Variants in GLP2R observed in about 807,000 individuals in gnomAD.
GLP2R encodes the protein glucagon like peptide 2 receptor, also known as glucagon-like peptide 2 receptor.
GLP2R carries 59 observed loss-of-function variants against 68.2 expected under a neutral mutation model. The observed-to-expected ratio is 0.87, with a 90% CI of 0.70 to 1.07. The LOEUF is 1.07. Ranked by LOEUF, GLP2R falls within the 50% of genes least tolerant of loss-of-function variation. The probability of loss-of-function intolerance (pLI) is 0.00; values close to 1 mark genes in which losing one functional copy is unlikely to be tolerated. For missense variants in GLP2R, 548 were observed against 677.4 expected, an observed-to-expected ratio of 0.81 and a Z score of 2.12; for synonymous variants, 270 against 265.4, an observed-to-expected ratio of 1.02 and a Z score of -0.17.
At chr17:9,828,790 G>A (rs755417054) in intron 1 of GLP2R, among the ~76,000 whole-genome samples, 35 of 152,112 alleles carry the variant, frequency 2.3e-4, no homozygotes, top group Admixed American at 1.2e-3. Context: ...GGCTTACCAG[G>A]CTGAGAAAGC....
intron 1 of GLP2R, among the ~76,000 whole-genome samples, chr17:9,828,270 C>G (rs1044045543): frequency 3.9e-5 from 6 of 152,228 alleles, no homozygotes; most frequent in African/African-American, 1.2e-4. Flanking sequence ...AGCCTCTCCC[C>G]CAGTGACCAG....
At chr17:9,884,682 T>C (rs1037669896) in intron 11 of GLP2R, among the ~76,000 whole-genome samples, 1 of 149,794 alleles carries the variant, frequency 6.7e-6, no homozygotes, top group Non-Finnish European at 1.5e-5. Context: ...AGTTGGACAA[T>C]ATTTTTTTCC....
intron 1 of GLP2R, among the ~76,000 whole-genome samples, chr17:9,832,264 C>A (rs1166580142): frequency 6.6e-6 from 1 of 151,882 alleles, no homozygotes; most frequent in African/African-American, 2.4e-5. Flanking sequence ...GTAGCGAAAT[C>A]CTGTCTCTAC....
intron 10 of GLP2R, among the ~76,000 whole-genome samples, chr17:9,874,902 G>T (rs1019166520): frequency 6.6e-6 from 1 of 152,176 alleles, no homozygotes; most frequent in Non-Finnish European, 1.5e-5. Flanking sequence ...CCACCTACCT[G>T]TTGGGAAGGA....
chr17:9,867,397 G>T (rs184741054), intron 9 of GLP2R, among the ~76,000 whole-genome samples: 6 of 152,228 alleles, frequency 3.9e-5, no homozygotes, highest in Non-Finnish European at 8.8e-5. Context: ...TGCTTTGTTG[G>T]TACAAGGTTG....
intron 9 of GLP2R, chr17:9,866,043 A>G (rs1325196485): frequency 7.7e-6 from 3 of 389,704 alleles, no homozygotes; most frequent in Non-Finnish European, 1.5e-5. Context: ...CAGCTCTAGG[A>G]TTCTAGGACT....
At chr17:9,833,131 T>TGC (rs2066695434) in intron 1 of GLP2R, among the ~76,000 whole-genome samples, 1 of 151,738 alleles carries the variant, frequency 6.6e-6, no homozygotes, top group Admixed American at 6.6e-5. Context: ...AGCACGGTGG[T>TGC]GCGCACCTGT....
chr17:9,886,924 G>A (rs774931682), intron 11 of GLP2R, among the ~76,000 whole-genome samples: 1 of 152,176 alleles, frequency 6.6e-6, no homozygotes, highest in Non-Finnish European at 1.5e-5. Context: ...ATTGGGCCCT[G>A]CACACACATC....
intron 4 of GLP2R, among the ~76,000 whole-genome samples, chr17:9,849,119 A>C (rs1455155274): frequency 6.6e-6 from 1 of 151,656 alleles, no homozygotes; most frequent in East Asian, 1.9e-4. Flanking sequence ...TATAATTTAT[A>C]ATATATCCAT....
chr17:9,850,373 G>A (rs1423161060), intron 4 of GLP2R, among the ~76,000 whole-genome samples: 1 of 152,200 alleles, frequency 6.6e-6, no homozygotes, highest in Non-Finnish European at 1.5e-5. Flanking sequence ...AATCAATTCA[G>A]TACACAGCTG....
intron 6 of GLP2R, 55 bp downstream of exon 6, chr17:9,857,631 G>A: frequency 2.6e-6 from 4 of 1,564,982 alleles, no homozygotes; most frequent in Non-Finnish European, 3.5e-6. Context: ...GGTCAGTACT[G>A]GGAATCAGAA....
chr17:9,854,567 C>G lies in GLP2R; in HGVS notation c.577C>G (p.Leu193Val). The change falls in exon 5 of 13, where the codon CTC (leucine) becomes GTC (valine). Residue 193 changes from leucine to valine, a missense_variant. Coordinates refer to ENST00000262441, the MANE Select transcript of GLP2R (RefSeq NM_004246.3). ...TVGYSFSLIS[L>V]FLALTLLLFL... is the part of the protein sequence containing the mutation. ...GGGATACTCCTTCTCTCTTATCTCC[C>G]TCTTCCTGGCTCTCACCCTCCTCTT... is the stretch of plus-strand genomic sequence containing the variant. 1 of 1,609,452 alleles carries G rather than the reference C, an allele frequency of 6.2e-7. No homozygotes were observed. Among genetic ancestry groups the G allele is most frequent in the Non-Finnish European group, 8.5e-7 (1 of 1,175,780 alleles).
chr17:9,885,557 G>A (rs1014481064), intron 11 of GLP2R, among the ~76,000 whole-genome samples: 2 of 152,016 alleles, frequency 1.3e-5, no homozygotes, highest in Middle Eastern at 3.4e-3. Flanking sequence ...TATAGCTCAG[G>A]GGGCCTCAGT....
chr17:9,852,999 A>C, intron 4 of GLP2R: 1 of 473,470 alleles, frequency 2.1e-6, no homozygotes, highest in South Asian at 2.0e-5. Flanking sequence ...TCTGAACCAC[A>C]CTCTTCAACT....
chr17:9,865,701 A>C, intron 9 of GLP2R: 1 of 392,870 alleles, frequency 2.5e-6, no homozygotes, highest in Middle Eastern at 3.7e-4. Context: ...TCCTTTATTA[A>C]TCTCTCTATC....
chr17:9,882,991 CAAAA>C lies in GLP2R; in HGVS notation c.1284+2487_1284+2490del, dbSNP rs3073990. ...AAAAAAGTGTGACCCATACTCAGGA[CAAAA>C]AAAAAAAAAAAGCAGTCATTAGAAA... On this transcript the variant is annotated intron_variant, in intron 11 of 12. Coordinates refer to ENST00000262441, the MANE Select transcript of GLP2R (RefSeq NM_004246.3). Among the ~76,000 whole-genome samples, 699 of 126,110 alleles carry C rather than the reference CAAAA, an allele frequency of 5.5e-3. 8 individuals are homozygous for C. Among genetic ancestry groups the C allele is most frequent in the African/African-American group, 0.019 (662 of 35,514 alleles). 82.7% of individuals were successfully genotyped at this position (126,110 alleles called of 152,430 possible).
chr17:9,869,468 C>A (rs1466278610), intron 9 of GLP2R, among the ~76,000 whole-genome samples: 1 of 152,250 alleles, frequency 6.6e-6, no homozygotes, highest in African/African-American at 2.4e-5. Flanking sequence ...TCTACCCAAA[C>A]CCAGCCACCT....
chr17:9,851,101 G>A (rs1466780253), intron 4 of GLP2R, among the ~76,000 whole-genome samples: 2 of 152,062 alleles, frequency 1.3e-5, no homozygotes, highest in African/African-American at 2.4e-5. Context: ...AAAAAGACAT[G>A]TCCCCTAATT....
intron 11 of GLP2R, among the ~76,000 whole-genome samples, chr17:9,884,517 A>G (rs2067224878): frequency 6.6e-6 from 1 of 152,144 alleles, no homozygotes; most frequent in African/African-American, 2.4e-5. Context: ...AGTTCCCTAT[A>G]CCAGTCTTAA....
Sources: gnomAD v4.1 joint callset for allele counts (sites outside exome capture counted in the v4.1 genomes callset) on GRCh38, gnomAD v4.1.1 for gene constraint, MANE v1.5 for transcripts, NCBI Gene and HGNC (gene_info 2026-07-23, HGNC 2026-07-21) for gene names.